PREP: variants seen among roughly 807,000 people sequenced by gnomAD.
PREP encodes dJ355L5.1 (prolyl endopeptidase).
Under a neutral mutation model 87.6 loss-of-function variants are expected in PREP, and 29 were observed. The observed-to-expected ratio is 0.33, with a 90% CI of 0.25 to 0.45. The LOEUF is 0.45. PREP is among the 20% of genes least tolerant of loss of function. The pLI, the probability that PREP is intolerant of heterozygous loss-of-function variation, is 1.00. For synonymous variants in PREP, 337 were observed against 328.6 expected, an observed-to-expected ratio of 1.03 and a Z score of -0.28; for missense variants, 695 against 886.5, an observed-to-expected ratio of 0.78 and a Z score of 2.74.
At chr6:105,350,810 C>T (rs181132604) in intron 7 of PREP, among the ~76,000 whole-genome samples, 120 of 152,342 alleles carry the variant, frequency 7.9e-4, no homozygotes, top group Admixed American at 2.7e-3. Context: ...TATCCACAAA[C>T]ATAATGCTAG....
chr6:105,336,094 C>T (rs1771469144), intron 7 of PREP, among the ~76,000 whole-genome samples: 1 of 151,960 alleles, frequency 6.6e-6, no homozygotes, highest in Non-Finnish European at 1.5e-5. Context: ...CCTGTCTCTA[C>T]TAAAAATACA....
Position 105,369,044 on chromosome 6 carries a change from A to T in PREP, c.596-20T>A. 1.2e-6 allele frequency: 2 copies of T among 1,612,822 alleles called. No homozygotes were observed. The highest frequency in any genetic ancestry group is 1.7e-6 in the Non-Finnish European group (2 of 1,179,072). On this transcript the variant is annotated intron_variant, in intron 5 of 14. Coordinates refer to ENST00000652536, the MANE Select transcript of PREP (RefSeq NM_002726.5). Reference sequence around the variant, plus strand: ...CTGTGCCTGAAGGAGTTAAAAATGTACACTGAAATGTACTTGATAATTTTA... The same window carrying T: ...CTGTGCCTGAAGGAGTTAAAAATGTTCACTGAAATGTACTTGATAATTTTA...
intron 1 of PREP, among the ~76,000 whole-genome samples, chr6:105,402,181 C>CT (rs958362321): frequency 3.2e-4 from 49 of 152,264 alleles, no homozygotes; most frequent in African/African-American, 1.1e-3. Flanking sequence ...CTCACCCTCT[C>CT]TCAACTCCTT....
chr6:105,345,612 C>T (rs772274899), intron 7 of PREP, among the ~76,000 whole-genome samples: 3 of 152,116 alleles, frequency 2.0e-5, no homozygotes, highest in Non-Finnish European at 2.9e-5. Context: ...GGACATGTCA[C>T]GACAACAAAT....
intron 10 of PREP, among the ~76,000 whole-genome samples, chr6:105,313,066 A>G (rs564366831): frequency 6.6e-6 from 1 of 152,346 alleles, no homozygotes; most frequent in African/African-American, 2.4e-5. Flanking sequence ...ACATTGAGTC[A>G]GCACAGAGGG....
At chr6:105,289,699 T>C (rs1432457718) in intron 10 of PREP, among the ~76,000 whole-genome samples, 2 of 152,194 alleles carry the variant, frequency 1.3e-5, no homozygotes, top group Non-Finnish European at 2.9e-5. Flanking sequence ...AAAAAGCTGA[T>C]AATGCTTTTT....
At chr6:105,387,580 C>T (rs544486197) in intron 2 of PREP, among the ~76,000 whole-genome samples, 1 of 124,332 alleles carries the variant, frequency 8.0e-6, no homozygotes, top group South Asian at 2.5e-4. Context: ...ACATAAAATA[C>T]ACTAATACTA....
At chr6:105,285,353 T>C in intron 12 of PREP, 133 bp downstream of exon 12, 1 of 728,630 alleles carries the variant, frequency 1.4e-6, no homozygotes, top group Non-Finnish European at 2.3e-6. Context: ...TCTGATAATA[T>C]CCTTGTTTTT....
At chr6:105,387,148 C>A (rs549013231) in intron 2 of PREP, among the ~76,000 whole-genome samples, 1 of 152,084 alleles carries the variant, frequency 6.6e-6, no homozygotes, top group South Asian at 2.1e-4. Context: ...CTTGAACTTG[C>A]CGGGTGGAGG....
intron 7 of PREP, among the ~76,000 whole-genome samples, chr6:105,339,074 C>T (rs1465062739): frequency 6.6e-6 from 1 of 152,216 alleles, no homozygotes; most frequent in Non-Finnish European, 1.5e-5. Context: ...TGAGAACGAA[C>T]AGACTGCCTC....
chr6:105,323,601 G>T, intron 10 of PREP, 64 bp downstream of exon 10: 1 of 1,400,966 alleles, frequency 7.1e-7, no homozygotes. Flanking sequence ...GCTACAGTGT[G>T]AATGGCCCAG....
At chr6:105,371,290 G>A (rs533443628) in intron 5 of PREP, among the ~76,000 whole-genome samples, 102 of 152,184 alleles carry the variant, frequency 6.7e-4, no homozygotes, top group African/African-American at 2.3e-3. Flanking sequence ...GGATCACAAG[G>A]TCAGGAGTTC....
In PREP at chr6:105,353,061, C is replaced by T. The variant is rs754360917; in HGVS notation, c.734G>A (p.Arg245His). ...TTCCCTTATTGATAACAAGACATAGCGGCCATCATCAGATAACTAAAAAAG... is the reference window on the plus strand; with the variant it reads ...TTCCCTTATTGATAACAAGACATAGTGGCCATCATCAGATAACTAAAAAAG... ...MGGAELSDDG[R>H]YVLLSIREGC... is the part of the protein sequence containing the mutation. The change falls in exon 7 of 15, where the codon CGC (arginine) becomes CAC (histidine). Residue 245 changes from arginine to histidine, a missense_variant. Around this residue, in one of 5 missense-constraint regions of PREP, gnomAD observed 517 missense variants for 620.3 expected, o/e 0.83. Coordinates refer to ENST00000652536, the MANE Select transcript of PREP (RefSeq NM_002726.5). 15 of 1,612,348 alleles carry T rather than the reference C, an allele frequency of 9.3e-6. No individual in the cohort carries two copies. The South Asian group carries it at 9.9e-5, about 11-fold the overall frequency.
At chr6:105,332,889 G>A (rs1314758925) in intron 8 of PREP, among the ~76,000 whole-genome samples, 2 of 152,138 alleles carry the variant, frequency 1.3e-5, no homozygotes, top group African/African-American at 4.8e-5. Context: ...TCTAATAAGA[G>A]GGCTCTAAAT....
Position 105,284,569 on chromosome 6 carries a change from C to T in PREP, c.1549+917G>A, listed in dbSNP as rs144653430. On this transcript the variant is annotated intron_variant, in intron 12 of 14. Transcript: ENST00000652536. ...TGGAGCTGCTGACCAGCCCCAAGCACTGGGGTCCTGGTAGGCCTTATGATA... is the reference window on the plus strand; with the variant it reads ...TGGAGCTGCTGACCAGCCCCAAGCATTGGGGTCCTGGTAGGCCTTATGATA... 8.9e-3 allele frequency among the ~76,000 whole-genome samples: 1,359 copies of T among 152,246 alleles called. 8 individuals are homozygous for T. Among genetic ancestry groups the T allele is most frequent in the Middle Eastern group, 0.024 (7 of 292 alleles).
At chr6:105,364,591 C>T (rs1399072518) in intron 6 of PREP, among the ~76,000 whole-genome samples, 2 of 152,234 alleles carry the variant, frequency 1.3e-5, no homozygotes, top group East Asian at 1.9e-4. Flanking sequence ...ACCCACAAAG[C>T]CCGCATCCTG....
intron 6 of PREP, among the ~76,000 whole-genome samples, chr6:105,353,343 T>C (rs985357153): frequency 2.0e-5 from 3 of 152,244 alleles, no homozygotes; most frequent in Non-Finnish European, 2.9e-5. Flanking sequence ...AACTTCAATG[T>C]AATTTTTATT....
At position 105,402,935 on chromosome 6, in the gene PREP, G is replaced by A. The variant is rs1373104957; in HGVS notation, c.-44C>T. On this transcript the variant is annotated 5_prime_UTR_variant, in exon 1 of 15. Coordinates refer to ENST00000652536, the MANE Select transcript of PREP (RefSeq NM_002726.5). The stretch of plus-strand genomic sequence containing the variant: ...GGCAGCGTGGAGGGGCGCGGGCTCC[G>A]GGAGCGGACCTGAGCTAGCCGGGCT... 1.6e-6 allele frequency: 2 copies of A among 1,271,942 alleles called. No homozygotes were observed. Among genetic ancestry groups the A allele is most frequent in the Non-Finnish European group, 2.1e-6 (2 of 930,824 alleles). The allele number at this position is 1,271,942 out of a possible 1,614,324, so 78.8% of individuals were successfully genotyped here.
At chr6:105,383,175 G>C (rs866219889) in intron 2 of PREP, among the ~76,000 whole-genome samples, 1 of 150,942 alleles carries the variant, frequency 6.6e-6, no homozygotes, top group African/African-American at 2.4e-5. Flanking sequence ...CAGGAAACAC[G>C]TCCAGAAATG....
Sources: gnomAD v4.1 joint callset for allele counts (sites outside exome capture counted in the v4.1 genomes callset) on GRCh38, gnomAD v4.1.1 for gene constraint, gnomAD v4.1.1 regional missense constraint, MANE v1.5 for transcripts, NCBI Gene and HGNC (gene_info 2026-07-23, HGNC 2026-07-21) for gene names.